Variants in FBL observed in about 807,000 individuals in gnomAD.
FBL encodes the protein fibrillarin rRNA 2'-O-methyltransferase.
A neutral mutation model predicts 42.2 loss-of-function variants in FBL; 10 were observed. The observed-to-expected ratio is 0.24, with a 90% CI of 0.15 to 0.40. The LOEUF (loss-of-function observed/expected upper bound fraction) is 0.40, where lower values mean the gene tolerates loss of function less well. Ranked by LOEUF, FBL falls within the 10% of genes least tolerant of loss-of-function variation. The probability of loss-of-function intolerance (pLI) is 1.00; values close to 1 mark genes in which losing one functional copy is unlikely to be tolerated. For missense variants in FBL, 351 were observed against 439.2 expected, an observed-to-expected ratio of 0.80 and a Z score of 1.79; for synonymous variants, 165 against 165.4, an observed-to-expected ratio of 1.00 and a Z score of 0.02.
At position 39,839,126 on chromosome 19, in the gene FBL, T is replaced by C. The variant is rs749684178; in HGVS notation, c.458A>G (p.Asp153Gly). 2 of 1,614,126 alleles carry C rather than the reference T, an allele frequency of 1.2e-6. No homozygotes were observed. Among genetic ancestry groups the C allele is most frequent in the South Asian group, 1.1e-5 (1 of 91,076 alleles). The change falls in exon 5 of 9, where the codon GAC (aspartate) becomes GGC (glycine). Residue 153 changes from aspartate to glycine, a missense_variant. Transcript: ENST00000221801. ...AGCCCCCGGTTTGATGTGGATCTGG[T>C]CCACACCACCCAGGATTGCTGCTGC... ...KLAAAILGGV[D>G]QIHIKPGAKV...
At chr19:39,835,194 T>A (rs1969013208) in intron 7 of FBL, among the ~76,000 whole-genome samples, 3 of 152,242 alleles carry the variant, frequency 2.0e-5, no homozygotes. Context: ...CCTTTGGAAC[T>A]GGGAGCCAAA....
rs1472331487 is a variant in FBL at position 39,840,556 on chromosome 19, C to A, written c.182-41G>T. ...ACAACAGGAGAGAAAGATCCTGAAT[C>A]TCCGCCCTCCCCACTCCCCACCTCA... is the stretch of plus-strand genomic sequence containing the variant. On this transcript the variant is annotated intron_variant, in intron 2 of 8. Coordinates refer to ENST00000221801, the MANE Select transcript of FBL (RefSeq NM_001436.4). This position sits in a 1 kb window ranked among gnomAD's most constrained non-coding sequence, Gnocchi z 4.5. 1 of 1,613,116 alleles carries A rather than the reference C, an allele frequency of 6.2e-7. No individual in the cohort carries two copies. The highest frequency in any genetic ancestry group is 1.7e-5 in the Admixed American group (1 of 59,990).
intron 7 of FBL, among the ~76,000 whole-genome samples, chr19:39,835,991 T>C (rs1458553129): frequency 6.6e-6 from 1 of 152,178 alleles, no homozygotes; most frequent in Non-Finnish European, 1.5e-5. Context: ...TAAACAGTCC[T>C]ATTTATCTAA....
At position 39,834,914 on chromosome 19, in the gene FBL, C is replaced by T. The variant is rs1599653140; in HGVS notation, c.796-101G>A. On this transcript the variant is annotated intron_variant, in intron 7 of 8. Transcript: ENST00000221801. ...GTTTTCATTATTAATTCAAGTAAAA[C>T]TCAGTGCTATGGTTCTAGTGTGTCC... is the stretch of plus-strand genomic sequence containing the variant. 1.4e-5 allele frequency: 18 copies of T among 1,272,852 alleles called. No homozygotes were observed. In the East Asian group the frequency reaches 3.1e-4, roughly 22 times the overall value. 78.8% of individuals were successfully genotyped at this position (1,272,852 alleles called of 1,614,324 possible). A position where few individuals can be genotyped will look rare whatever the true frequency, so the allele number is the denominator to read the frequency against.
At chr19:39,837,687 C>T (rs649908) in intron 6 of FBL, 24 bp downstream of exon 6, 2 of 1,539,210 alleles carry the variant, frequency 1.3e-6, no homozygotes, top group Non-Finnish European at 8.7e-7. Context: ...CCTACCCCAC[C>T]GGGGCCACCC....
chr19:39,834,915 T>G, intron 7 of FBL, 102 bp from the exon 8 acceptor site: 2 of 1,257,196 alleles, frequency 1.6e-6, no homozygotes, highest in Non-Finnish European at 2.2e-6. Context: ...CAAGTAAAAC[T>G]CAGTGCTATG....
chr19:39,842,983 C>A (rs1233804707), intron 1 of FBL, among the ~76,000 whole-genome samples: 1 of 152,230 alleles, frequency 6.6e-6, no homozygotes, highest in Non-Finnish European at 1.5e-5. Flanking sequence ...CAGACATGTG[C>A]ATGGCTCACT....
chr19:39,837,893 G>T, intron 5 of FBL, 50 bp from the exon 6 acceptor site: 1 of 1,555,614 alleles, frequency 6.4e-7, no homozygotes. Flanking sequence ...CTCATGCATG[G>T]AGTGCCTACT....
intron 1 of FBL, among the ~76,000 whole-genome samples, chr19:39,845,319 T>G (rs1184595592): frequency 6.6e-6 from 1 of 151,988 alleles, no homozygotes; most frequent in Non-Finnish European, 1.5e-5. Context: ...AAGATAAAGG[T>G]AACAATTAGA....
At position 39,834,484 on chromosome 19, in the gene FBL, C is replaced by A. The variant is rs201054467; in HGVS notation, c.*54G>T. The A allele has an allele frequency of 2.2e-4, 350 of 1,601,164 alleles. No homozygotes were observed. The highest frequency in any genetic ancestry group is 2.8e-4 in the Non-Finnish European group (329 of 1,170,692). On this transcript the variant is annotated 3_prime_UTR_variant, in exon 9 of 9. Coordinates refer to ENST00000221801, the MANE Select transcript of FBL (RefSeq NM_001436.4). ...ACGGATGAGTCTTTTAATAGAAAAA[C>A]ACACGTGCAACAGTATCAACACACA...
chr19:39,840,812 C>A lies in FBL; in HGVS notation c.11-25G>T. 1 of 1,513,880 alleles carries A rather than the reference C, an allele frequency of 6.6e-7. No homozygotes were observed. 93.8% of individuals were successfully genotyped at this position (1,513,880 alleles called of 1,614,324 possible). On this transcript the variant is annotated intron_variant, in intron 1 of 8. Transcript: ENST00000221801. The surrounding 1 kb of genome is among the most constrained non-coding windows in gnomAD (Gnocchi z 4.5). Reference sequence around the variant, plus strand: ...CCTGTGGGGGAAACAAAACAGGAGTCAGGGCAATGAAGCTTAAAAGGTTAA... The same window carrying A: ...CCTGTGGGGGAAACAAAACAGGAGTAAGGGCAATGAAGCTTAAAAGGTTAA...
Position 39,840,280 on chromosome 19 carries a change from G to A in FBL, c.331C>T (p.Leu111=). The part of the protein sequence containing the change: ...GKEDALVTKN[L]VPGESVYGEK... ...CCATAAACTGATTCCCCAGGGACCA[G>A]GTTCTTGGTGACCAGTGCATCTTCC... is the stretch of plus-strand genomic sequence containing the variant. The change falls in exon 4 of 9, where the codon CTG becomes TTG. Residue 111 remains leucine (L), a synonymous_variant. Transcript: ENST00000221801. The surrounding 1 kb of genome is among the most constrained non-coding windows in gnomAD (Gnocchi z 4.5). 6.2e-7 allele frequency: 1 copy of A among 1,614,114 alleles called. No homozygotes were observed. Among genetic ancestry groups the A allele is most frequent in the African/African-American group, 1.3e-5 (1 of 75,024 alleles).
chr19:39,840,208 G>A lies in FBL; in HGVS notation c.378+25C>T. 6.4e-7 allele frequency: 1 copy of A among 1,563,714 alleles called. No homozygotes were observed. Among genetic ancestry groups the A allele is most frequent in the Middle Eastern group, 1.9e-4 (1 of 5,344 alleles). The stretch of plus-strand genomic sequence containing the variant: ...TACACCCTCAGCTGCGACCCTGGTG[G>A]CTTGGACAGGGGCCCAGTTCTCACC... On this transcript the variant is annotated intron_variant, in intron 4 of 8. Coordinates refer to ENST00000221801, the MANE Select transcript of FBL (RefSeq NM_001436.4). This position sits in a 1 kb window ranked among gnomAD's most constrained non-coding sequence, Gnocchi z 4.5.
At chr19:39,839,290 C>A (rs1969111643) in intron 4 of FBL, 85 bp from the exon 5 acceptor site, 1 of 1,097,524 alleles carries the variant, frequency 9.1e-7, no homozygotes, top group Non-Finnish European at 1.3e-6. Flanking sequence ...TTGAAAGGAA[C>A]TGGGCTGTCC....
In FBL at chr19:39,840,727, C is replaced by A. The variant is rs145491904; in HGVS notation, c.71G>T (p.Arg24Leu). Residue 24 changes from arginine to leucine, a missense_variant, in exon 2 of 9, where the codon CGT becomes CTT. Transcript: ENST00000221801. The surrounding 1 kb of genome is among the most constrained non-coding windows in gnomAD (Gnocchi z 4.5). ...GRGGFGDRGG[R>L]GGRGGFGGGR... The stretch of plus-strand genomic sequence containing the variant: ...CCCGCCAAAGCCCCCTCGGCCTCCA[C>A]GACCACCACGGTCACCAAAGCCCCC... The A allele has an allele frequency of 5.1e-6, 8 of 1,577,292 alleles. No individual in the cohort carries two copies. Among genetic ancestry groups the A allele is most frequent in the Non-Finnish European group, 6.0e-6 (7 of 1,161,802 alleles).
intron 7 of FBL, 38 bp downstream of exon 7, chr19:39,836,518 C>T (rs1969051282): frequency 7.1e-7 from 1 of 1,402,142 alleles, no homozygotes; most frequent in Non-Finnish European, 1.0e-6. Flanking sequence ...CTCCCTAGAA[C>T]ACTGCCACCC....
At position 39,846,305 on chromosome 19, in the gene FBL, A is replaced by T. The variant is rs1969261538; in HGVS notation, c.-5T>A. ...CCCAGCCTGACCTGGCTTCATGGCG[A>T]GCCCTGGTTTGTGCGGCTCCGGAGT... On this transcript the variant is annotated 5_prime_UTR_variant, in exon 1 of 9. Coordinates refer to ENST00000221801, the MANE Select transcript of FBL (RefSeq NM_001436.4). 2 of 1,613,568 alleles carry T rather than the reference A, an allele frequency of 1.2e-6. No homozygotes were observed. The highest frequency in any genetic ancestry group is 2.7e-5 in the African/African-American group (2 of 74,888).
intron 5 of FBL, 90 bp from the exon 6 acceptor site, chr19:39,837,933 T>G: frequency 2.1e-5 from 22 of 1,048,106 alleles, no homozygotes; most frequent in Non-Finnish European, 2.6e-5. Context: ...ACAGCATCTC[T>G]TCCAACCCCC....
At chr19:39,841,360 T>A (rs1194421177) in intron 1 of FBL, among the ~76,000 whole-genome samples, 4 of 152,120 alleles carry the variant, frequency 2.6e-5, no homozygotes, top group Non-Finnish European at 5.9e-5. Context: ...CCAGCCACAA[T>A]CATACTGCCC....
Sources: allele counts gnomAD v4.1 joint callset (sites outside exome capture counted in the v4.1 genomes callset), GRCh38; gene constraint gnomAD v4.1.1; non-coding constraint Gnocchi (gnomAD v3.1); transcripts MANE v1.5; gene names NCBI Gene and HGNC (gene_info 2026-07-23, HGNC 2026-07-21).